FSTL4: variants seen among roughly 807,000 people sequenced by gnomAD.
The protein encoded by FSTL4 is follistatin-related protein 4.
FSTL4 carries 28 observed loss-of-function variants against 78.2 expected under a neutral mutation model. The ratio of observed to expected loss-of-function variants is 0.36; its 90% CI spans 0.27 to 0.49. The LOEUF is 0.49. FSTL4 is among the 20% of genes least tolerant of loss of function. The pLI is 0.98. For synonymous variants in FSTL4, 422 were observed against 440.5 expected (o/e 0.96, Z 0.53); for missense variants, 922 against 1,084.9 (o/e 0.85, Z 2.11).
At chr5:133,775,055 T>C in the FSTL4 span, among the ~76,000 whole-genome samples, 3 of 152,204 alleles carry the variant, frequency 2.0e-5, no homozygotes, top group South Asian at 2.1e-4. Context: ...CCTCTTGGAA[T>C]TGCAGAGGAA....
intron 3 of FSTL4, among the ~76,000 whole-genome samples, chr5:133,502,076 C>A (rs74613437): frequency 2.0e-5 from 3 of 152,314 alleles, no homozygotes; most frequent in South Asian, 2.1e-4. Context: ...TTGGAGGGAG[C>A]ACAGCCCTGA....
At chr5:133,437,482 G>A (rs1015198980) in intron 3 of FSTL4, among the ~76,000 whole-genome samples, 1 of 133,106 alleles carries the variant, frequency 7.5e-6, no homozygotes, top group African/African-American at 3.0e-5. Flanking sequence ...ATAGTAAATA[G>A]GTGTTTTTTT....
intron 6 of FSTL4, among the ~76,000 whole-genome samples, chr5:133,298,703 T>A (rs1336568514): frequency 6.6e-6 from 1 of 152,234 alleles, no homozygotes; most frequent in East Asian, 1.9e-4. Flanking sequence ...TGGTGCTGAT[T>A]CATGTGGCAC....
At chr5:133,342,767 C>A (rs1416350246) in intron 4 of FSTL4, among the ~76,000 whole-genome samples, 1 of 152,154 alleles carries the variant, frequency 6.6e-6, no homozygotes, top group African/African-American at 2.4e-5. Context: ...AAAAGAATGA[C>A]CAGTGATTCT....
the FSTL4 span, among the ~76,000 whole-genome samples, chr5:133,708,327 G>A: frequency 1.3e-5 from 2 of 152,118 alleles, no homozygotes; most frequent in Non-Finnish European, 2.9e-5. Flanking sequence ...TCCTGGCAAC[G>A]CCCTTTTCAT....
chr5:133,375,704 G>A (rs1381694188), intron 4 of FSTL4, among the ~76,000 whole-genome samples: 1 of 152,116 alleles, frequency 6.6e-6, no homozygotes, highest in Non-Finnish European at 1.5e-5. Context: ...ATCCATTAGA[G>A]GCAACTACCA....
chr5:133,751,350 C>T, the FSTL4 span, among the ~76,000 whole-genome samples: 1 of 152,230 alleles, frequency 6.6e-6, no homozygotes, highest in African/African-American at 2.4e-5. Flanking sequence ...AAAGTCAATA[C>T]ACAGTGTATT....
At chr5:133,834,346 C>A in the FSTL4 span, among the ~76,000 whole-genome samples, 3 of 151,774 alleles carry the variant, frequency 2.0e-5, no homozygotes, top group Non-Finnish European at 2.9e-5. Flanking sequence ...AGACAGGTAA[C>A]ACAACAAACA....
intron 4 of FSTL4, among the ~76,000 whole-genome samples, chr5:133,359,139 C>T (rs1755013500): frequency 6.6e-6 from 1 of 152,230 alleles, no homozygotes; most frequent in Non-Finnish European, 1.5e-5. Context: ...CTTCCCTTCT[C>T]CTATAAATGA....
At chr5:133,403,017 C>G (rs957074513) in intron 3 of FSTL4, among the ~76,000 whole-genome samples, 1 of 152,232 alleles carries the variant, frequency 6.6e-6, no homozygotes, top group Non-Finnish European at 1.5e-5. Flanking sequence ...TTTATGGCCG[C>G]TTTGCCATGG....
chr5:133,518,413 C>T (rs950702104), intron 3 of FSTL4, among the ~76,000 whole-genome samples: 1 of 151,978 alleles, frequency 6.6e-6, no homozygotes, highest in South Asian at 2.1e-4. Context: ...CAAAGAAAGG[C>T]TAATTAAAAC....
At chr5:133,701,510 C>CACACACACACACA in the FSTL4 span, among the ~76,000 whole-genome samples, 1 of 48,386 alleles carries the variant, frequency 2.1e-5, no homozygotes, top group African/African-American at 9.9e-5. Context: ...CACACACACA[C>CACACACACACACA]CCCACAGGCC....
the FSTL4 span, among the ~76,000 whole-genome samples, chr5:133,730,174 T>C: frequency 6.6e-6 from 1 of 152,192 alleles, no homozygotes; most frequent in Non-Finnish European, 1.5e-5. Flanking sequence ...AAGGCAGATA[T>C]TAAAGTCATG....
the FSTL4 span, among the ~76,000 whole-genome samples, chr5:133,837,692 C>T: frequency 1.3e-5 from 2 of 152,158 alleles, no homozygotes; most frequent in Non-Finnish European, 2.9e-5. Flanking sequence ...TTTACCAGGA[C>T]TTCCTATCTG....
At chr5:133,835,167 A>C in the FSTL4 span, among the ~76,000 whole-genome samples, 1 of 152,168 alleles carries the variant, frequency 6.6e-6, no homozygotes, top group Non-Finnish European at 1.5e-5. Context: ...CTATATCATC[A>C]CTGCATGGAT....
chr5:133,767,853 T>C, the FSTL4 span, among the ~76,000 whole-genome samples: 1 of 152,162 alleles, frequency 6.6e-6, no homozygotes, highest in Admixed American at 6.5e-5. Context: ...TCTGCAGGGG[T>C]GCTGCTTTGT....
intron 6 of FSTL4, among the ~76,000 whole-genome samples, chr5:133,300,365 T>C (rs1753506925): frequency 6.6e-6 from 1 of 152,190 alleles, no homozygotes. Flanking sequence ...TGCTGAGTTA[T>C]TTAACCTGTA....
chr5:133,529,829 T>G (rs1759214009), intron 3 of FSTL4, among the ~76,000 whole-genome samples: 1 of 152,148 alleles, frequency 6.6e-6, no homozygotes, highest in Non-Finnish European at 1.5e-5. Flanking sequence ...ATATTTATTT[T>G]CTATGGGAAA....
chr5:133,611,761 C>A lies in FSTL4; in HGVS notation c.-11+564G>T, dbSNP rs1429480167. ...GGACCCCGGGGAAGCCAGGGCCAGG[C>A]GAAGCGCAGCGGGCCCTTTGGGCTG... On this transcript the variant is annotated intron_variant, in intron 1 of 15. Transcript: ENST00000265342. The surrounding 1 kb of genome is among the most constrained non-coding windows in gnomAD (Gnocchi z 4.9). Among the ~76,000 whole-genome samples the A allele has an allele frequency of 2.6e-5, 4 of 152,178 alleles. No homozygotes were observed. Among genetic ancestry groups the A allele is most frequent in the Non-Finnish European group, 4.4e-5 (3 of 68,016 alleles).
Sources: gnomAD v4.1 joint callset for allele counts (sites outside exome capture counted in the v4.1 genomes callset) on GRCh38, gnomAD v4.1.1 for gene constraint, Gnocchi (gnomAD v3.1) non-coding constraint, MANE v1.5 for transcripts, NCBI Gene and HGNC (gene_info 2026-07-23, HGNC 2026-07-21) for gene names.